The following MSH3 variants were observed in gnomAD, a reference collection of about 807,000 sequenced individuals.
The protein encoded by MSH3 is DNA mismatch repair protein Msh3.
A neutral mutation model predicts 123.3 loss-of-function variants in MSH3; 106 were observed. That is an observed-to-expected ratio of 0.86 (90% CI 0.73 to 1.01). The LOEUF (loss-of-function observed/expected upper bound fraction) is 1.01. MSH3 is among the 50% of genes least tolerant of loss of function. The pLI is 0.00. For synonymous variants in MSH3, 515 were observed against 481.4 expected, an observed-to-expected ratio of 1.07 and a Z score of -0.91; for missense variants, 1,459 against 1,347.6, an observed-to-expected ratio of 1.08 and a Z score of -1.29.
In MSH3 at chr5:80,742,037, G is replaced by A. The variant is rs1184652446; in HGVS notation, c.1653+489G>A. 2.7e-5 allele frequency among the ~76,000 whole-genome samples: 4 copies of A among 149,028 alleles called. No individual in the cohort carries two copies. In the East Asian group the frequency reaches 5.9e-4, roughly 22 times the overall value. On this transcript the variant is annotated intron_variant, in intron 11 of 23. Transcript: ENST00000265081. ...TTTTTCTTCTTTGAGACAGAGTCTC[G>A]CTCTGTTGCCCAGGCTGGGTTGAGT...
intron 8 of MSH3, among the ~76,000 whole-genome samples, chr5:80,700,892 G>A (rs1273145835): frequency 1.3e-5 from 2 of 152,166 alleles, no homozygotes; most frequent in African/African-American, 2.4e-5. Flanking sequence ...CTAAAGTGGG[G>A]CCAGACTGCT....
At chr5:80,727,140 G>A (rs1743316320) in intron 9 of MSH3, among the ~76,000 whole-genome samples, 1 of 152,216 alleles carries the variant, frequency 6.6e-6, no homozygotes, top group Non-Finnish European at 1.5e-5. Context: ...CCAAAACTCT[G>A]TAGTCAGGTA....
At chr5:80,732,237 T>C (rs1156801658) in intron 10 of MSH3, among the ~76,000 whole-genome samples, 2 of 152,196 alleles carry the variant, frequency 1.3e-5, no homozygotes, top group African/African-American at 4.8e-5. Context: ...AATCCACTTT[T>C]TGTTGTTAGA....
At chr5:80,771,923 T>A (rs1744218374) in intron 15 of MSH3, among the ~76,000 whole-genome samples, 1 of 152,190 alleles carries the variant, frequency 6.6e-6, no homozygotes, top group Admixed American at 6.5e-5. Context: ...AAACTTTATA[T>A]TTTTATGTAA....
rs1219188176 is a variant in MSH3 at position 80,768,928 on chromosome 5, C to G, written c.2178C>G (p.Ile726Met). ...AAATTCAAGGTGTTATTGACGAGATCCGAATGCATTTGCAAGAAATACGAA... is the reference window on the plus strand; with the variant it reads ...AAATTCAAGGTGTTATTGACGAGATGCGAATGCATTTGCAAGAAATACGAA... ...KDEIQGVIDE[I>M]RMHLQEIRKI... Residue 726 changes from isoleucine (I) to methionine (M), a missense_variant, in exon 15 of 24, where the codon ATC becomes ATG. Transcript: ENST00000265081. 3 of 1,612,882 alleles carry G rather than the reference C, an allele frequency of 1.9e-6. No homozygotes were observed. The highest frequency in any genetic ancestry group is 8.5e-7 in the Non-Finnish European group (1 of 1,179,176).
chr5:80,785,301 C>T (rs1561477799), intron 17 of MSH3, among the ~76,000 whole-genome samples: 1 of 152,154 alleles, frequency 6.6e-6, no homozygotes, highest in Non-Finnish European at 1.5e-5. Flanking sequence ...AAAGTAGGCA[C>T]CTTCTGATCC....
chr5:80,838,735 A>G (rs975443153), intron 20 of MSH3, among the ~76,000 whole-genome samples: 1 of 152,174 alleles, frequency 6.6e-6, no homozygotes, highest in South Asian at 2.1e-4. Flanking sequence ...ACAACCACAT[A>G]GAAAAGTTAT....
In MSH3 at chr5:80,678,963, A is replaced by G. The variant is rs753497335; in HGVS notation, c.1210A>G (p.Ser404Gly). Residue 404 changes from serine to glycine, a missense_variant, in exon 8 of 24, where the codon AGT (serine) becomes GGT (glycine). Transcript: ENST00000265081. ...TGCCACAGGCGAGGTTGTGTTTGAT[A>G]GTTTCCAGGACTCTGCTTCTCGTTC... is the stretch of plus-strand genomic sequence containing the variant. ...QPATGEVVFDSFQDSASRSEL... is the reference protein window; with the variant it reads ...QPATGEVVFDGFQDSASRSEL... 3.1e-6 allele frequency: 5 copies of G among 1,614,160 alleles called. No individual in the cohort carries two copies. The highest frequency in any genetic ancestry group is 2.2e-5 in the East Asian group (1 of 44,888).
chr5:80,825,221 A>G (rs1380461938), intron 20 of MSH3, among the ~76,000 whole-genome samples: 1 of 152,142 alleles, frequency 6.6e-6, no homozygotes, highest in Non-Finnish European at 1.5e-5. Context: ...CCTCTACCCT[A>G]TCCATAGTAA....
chr5:80,828,380 C>G (rs1745357709), intron 20 of MSH3, among the ~76,000 whole-genome samples: 1 of 152,134 alleles, frequency 6.6e-6, no homozygotes, highest in Non-Finnish European at 1.5e-5. Flanking sequence ...GCCCTGATGA[C>G]CCAGTCACCT....
intron 10 of MSH3, among the ~76,000 whole-genome samples, chr5:80,740,830 T>G (rs1184467798): frequency 2.0e-5 from 3 of 152,042 alleles, no homozygotes; most frequent in African/African-American, 7.2e-5. Flanking sequence ...TTCTTGTGCT[T>G]CAGCCTCCCG....
intron 20 of MSH3, among the ~76,000 whole-genome samples, chr5:80,822,984 A>G (rs1177414205): frequency 6.6e-6 from 1 of 152,152 alleles, no homozygotes; most frequent in East Asian, 1.9e-4. Context: ...CATCAAACAT[A>G]CTAGTTTTTT....
intron 20 of MSH3, among the ~76,000 whole-genome samples, chr5:80,847,392 T>G (rs1745743208): frequency 1.3e-5 from 2 of 151,126 alleles, no homozygotes; most frequent in South Asian, 4.2e-4. Context: ...TCTGAGTACT[T>G]TTTTCATGTA....
intron 21 of MSH3, among the ~76,000 whole-genome samples, chr5:80,864,100 T>A (rs1448714342): frequency 6.6e-6 from 1 of 152,122 alleles, no homozygotes; most frequent in Non-Finnish European, 1.5e-5. Flanking sequence ...CTCATAATGT[T>A]GTGCCGGAGT....
chr5:80,778,934 GACCC>G (rs1299890624), intron 17 of MSH3, 98 bp downstream of exon 17: 12 of 744,430 alleles, frequency 1.6e-5, no homozygotes, highest in Non-Finnish European at 2.2e-5. Context: ...TACAGCTCAT[GACCC>G]ACCATAAAAT....
At chr5:80,687,893 A>G (rs1179655375) in intron 8 of MSH3, among the ~76,000 whole-genome samples, 1 of 152,196 alleles carries the variant, frequency 6.6e-6, no homozygotes, top group Non-Finnish European at 1.5e-5. Flanking sequence ...AGAGAAAAGA[A>G]TCAGATCAAG....
chr5:80,813,018 A>G (rs1176695506), intron 19 of MSH3, among the ~76,000 whole-genome samples: 1 of 152,224 alleles, frequency 6.6e-6, no homozygotes, highest in Non-Finnish European at 1.5e-5. Context: ...ATCAGTACAG[A>G]TAAGTCCTAG....
intron 21 of MSH3, among the ~76,000 whole-genome samples, 198 bp from the exon 22 acceptor site, chr5:80,864,615 G>T (rs1746068223): frequency 6.6e-6 from 1 of 152,082 alleles, no homozygotes; most frequent in Non-Finnish European, 1.5e-5. Flanking sequence ...CTGTGTCTGT[G>T]GAGGAGGAAG....
intron 8 of MSH3, among the ~76,000 whole-genome samples, chr5:80,712,095 C>G (rs1580579004): frequency 6.6e-6 from 1 of 152,206 alleles, no homozygotes; most frequent in Non-Finnish European, 1.5e-5. Context: ...GGGCTCTGCT[C>G]TTTCCTCTCC....
Sources: gnomAD v4.1 joint callset for allele counts (sites outside exome capture counted in the v4.1 genomes callset) on GRCh38, gnomAD v4.1.1 for gene constraint, MANE v1.5 for transcripts, NCBI Gene and HGNC (gene_info 2026-07-23, HGNC 2026-07-21) for gene names.